CCSER1: variants seen among roughly 807,000 people sequenced by gnomAD.
CCSER1 encodes serine-rich coiled-coil domain-containing protein 1.
CCSER1 carries 41 observed loss-of-function variants against 82.0 expected under a neutral mutation model. The observed-to-expected ratio is 0.50, with a 90% CI of 0.39 to 0.65. CCSER1 has a LOEUF of 0.65. Ranked by LOEUF, CCSER1 falls within the 30% of genes least tolerant of loss-of-function variation. The pLI is 0.00. For synonymous variants in CCSER1, 414 were observed against 383.9 expected (o/e 1.08, Z -0.92); for missense variants, 1,119 against 1,064.2 (o/e 1.05, Z -0.72).
chr4:91,438,874 G>A (rs929151793), intron 10 of CCSER1, among the ~76,000 whole-genome samples: 2 of 152,088 alleles, frequency 1.3e-5, no homozygotes, highest in Non-Finnish European at 2.9e-5. Flanking sequence ...TGGAAGAAAG[G>A]GTATCAGTGA....
At chr4:91,186,080 A>G (rs1178916793) in intron 10 of CCSER1, among the ~76,000 whole-genome samples, 1 of 152,176 alleles carries the variant, frequency 6.6e-6, no homozygotes, top group Non-Finnish European at 1.5e-5. Flanking sequence ...CTGCCTGAAT[A>G]GAACTAAGAG....
At chr4:91,258,436 A>T (rs868459351) in intron 10 of CCSER1, among the ~76,000 whole-genome samples, 10 of 152,060 alleles carry the variant, frequency 6.6e-5, no homozygotes, top group Non-Finnish European at 1.3e-4. Flanking sequence ...TTCCTGCATT[A>T]AGCAAACTCT....
intron 6 of CCSER1, among the ~76,000 whole-genome samples, chr4:90,710,114 G>A (rs1740264729): frequency 6.6e-6 from 1 of 151,940 alleles, no homozygotes; most frequent in African/African-American, 2.4e-5. Flanking sequence ...CAAGTCCTTT[G>A]CCTGCTTTTT....
chr4:90,229,153 C>T (rs969940861), intron 1 of CCSER1, among the ~76,000 whole-genome samples: 21 of 152,012 alleles, frequency 1.4e-4, no homozygotes, highest in African/African-American at 5.1e-4. Flanking sequence ...AGAGCAACTC[C>T]AAGACACATA....
chr4:90,662,575 A>C (rs567816505), intron 6 of CCSER1, among the ~76,000 whole-genome samples: 1 of 152,262 alleles, frequency 6.6e-6, no homozygotes, highest in Admixed American at 6.5e-5. Context: ...CCCAGTCTTT[A>C]ACATGCATTC....
chr4:91,428,022 T>G (rs959961589), intron 10 of CCSER1, among the ~76,000 whole-genome samples: 2 of 152,064 alleles, frequency 1.3e-5, no homozygotes, highest in Non-Finnish European at 1.5e-5. Flanking sequence ...CTACACTCAT[T>G]TTCAATCCAA....
chr4:91,434,984 G>A (rs1754560982), intron 10 of CCSER1, among the ~76,000 whole-genome samples: 1 of 152,134 alleles, frequency 6.6e-6, no homozygotes, highest in Non-Finnish European at 1.5e-5. Flanking sequence ...TTCTGTTGTT[G>A]TTGTTGTTGT....
intron 8 of CCSER1, among the ~76,000 whole-genome samples, chr4:90,878,993 C>T (rs928349738): frequency 6.6e-6 from 1 of 152,114 alleles, no homozygotes; most frequent in Non-Finnish European, 1.5e-5. Flanking sequence ...AAAAATGATG[C>T]TTTAAGAAAA....
intron 7 of CCSER1, among the ~76,000 whole-genome samples, chr4:90,811,321 C>T (rs1758256136): frequency 1.3e-5 from 2 of 152,102 alleles, no homozygotes; most frequent in South Asian, 2.1e-4. Flanking sequence ...AAACTTGCAG[C>T]TCCGGAAATA....
intron 1 of CCSER1, among the ~76,000 whole-genome samples, chr4:90,260,820 A>G (rs1460405882): frequency 2.0e-5 from 3 of 152,038 alleles, no homozygotes; most frequent in Non-Finnish European, 4.4e-5. Flanking sequence ...GGTTCAAGCA[A>G]TTTTCCTGCC....
chr4:90,302,286 C>T (rs1255292829), intron 1 of CCSER1, among the ~76,000 whole-genome samples: 1 of 152,072 alleles, frequency 6.6e-6, no homozygotes, highest in Non-Finnish European at 1.5e-5. Flanking sequence ...CAGATGCTTA[C>T]TATGTAAGCT....
intron 5 of CCSER1, among the ~76,000 whole-genome samples, chr4:90,549,123 A>C (rs1351205697): frequency 6.6e-6 from 1 of 152,170 alleles, no homozygotes; most frequent in Non-Finnish European, 1.5e-5. Flanking sequence ...AGCATTTTTC[A>C]CTAATCATCC....
At chr4:91,136,274 T>C (rs568882841) in intron 10 of CCSER1, among the ~76,000 whole-genome samples, 1 of 152,304 alleles carries the variant, frequency 6.6e-6, no homozygotes, top group South Asian at 2.1e-4. Flanking sequence ...TTCCTTTATC[T>C]ACAATGTCCT....
At chr4:90,722,228 T>C (rs2149368858) in intron 6 of CCSER1, among the ~76,000 whole-genome samples, 1 of 151,966 alleles carries the variant, frequency 6.6e-6, no homozygotes, top group African/African-American at 2.4e-5. Flanking sequence ...TTTTTGAGGG[T>C]ATGATACTTT....
intron 1 of CCSER1, among the ~76,000 whole-genome samples, chr4:90,216,634 T>A (rs539228501): frequency 6.6e-6 from 1 of 152,190 alleles, no homozygotes; most frequent in Non-Finnish European, 1.5e-5. Flanking sequence ...TCTATGCATC[T>A]TTTTTTGTAC....
chr4:91,456,556 CTTTTT>C (rs150787098), intron 10 of CCSER1, among the ~76,000 whole-genome samples: 1 of 151,922 alleles, frequency 6.6e-6, no homozygotes, highest in Non-Finnish European at 1.5e-5. Flanking sequence ...ATTCTGTTCT[CTTTTT>C]TTAAGTTTTT....
At chr4:90,554,405 A>G (rs966348107) in intron 5 of CCSER1, among the ~76,000 whole-genome samples, 2 of 152,130 alleles carry the variant, frequency 1.3e-5, no homozygotes, top group East Asian at 3.8e-4. Flanking sequence ...GTTCAAATAA[A>G]TGATGTTACA....
intron 1 of CCSER1, among the ~76,000 whole-genome samples, chr4:90,148,487 G>C (rs1163955358): frequency 6.6e-6 from 1 of 152,064 alleles, no homozygotes; most frequent in African/African-American, 2.4e-5. Context: ...TATTGTCTAG[G>C]ATATGGTAGT....
At chr4:91,583,187 T>C (rs180866920) in intron 10 of CCSER1, among the ~76,000 whole-genome samples, 1 of 151,500 alleles carries the variant, frequency 6.6e-6, no homozygotes, top group East Asian at 1.9e-4. Flanking sequence ...TCTGATTATA[T>C]TTATTGTGTT....
Sources: allele counts gnomAD v4.1 joint callset (sites outside exome capture counted in the v4.1 genomes callset), GRCh38; gene constraint gnomAD v4.1.1; transcripts MANE v1.5; gene names NCBI Gene and HGNC (gene_info 2026-07-23, HGNC 2026-07-21).